Variants in SEMA4B observed in about 807,000 individuals in gnomAD.
SEMA4B encodes semaphorin-4B.
In SEMA4B, 55 loss-of-function variants were observed where a neutral mutation model predicts 88.1. The ratio of observed to expected loss-of-function variants is 0.62; its 90% confidence interval spans 0.50 to 0.78. The LOEUF (loss-of-function observed/expected upper bound fraction) is 0.78, where lower values mean the gene tolerates loss of function less well. Among genes scored for constraint, SEMA4B ranks in the 30% least tolerant of loss-of-function variants. The pLI, the probability that SEMA4B is intolerant of heterozygous loss-of-function variation, is 0.00. For missense variants in SEMA4B, 1,062 were observed against 1,111.9 expected, an observed-to-expected ratio of 0.96 and a Z score of 0.64; for synonymous variants, 525 against 473.6, an observed-to-expected ratio of 1.11 and a Z score of -1.41.
chr15:90,208,052 G>A (rs193270515), intron 1 of SEMA4B, among the ~76,000 whole-genome samples: 2 of 152,180 alleles, frequency 1.3e-5, no homozygotes, highest in Admixed American at 1.3e-4. Flanking sequence ...CAGGAGTTTC[G>A]AGACCAGCCT....
chr15:90,226,630 C>T (rs1246087471), intron 12 of SEMA4B, among the ~76,000 whole-genome samples: 2 of 152,166 alleles, frequency 1.3e-5, no homozygotes, highest in South Asian at 2.1e-4. Flanking sequence ...CATGAGCCAC[C>T]GCGTCTGGCC....
At chr15:90,203,070 C>A (rs1960822537) in intron 1 of SEMA4B, among the ~76,000 whole-genome samples, 1 of 152,192 alleles carries the variant, frequency 6.6e-6, no homozygotes. Context: ...ACAGAACCTA[C>A]CTCAAGGTAG....
In SEMA4B at chr15:90,212,860, T is replaced by A. The variant is rs977479148; in HGVS notation, c.158-4579T>A. Among the ~76,000 whole-genome samples, 8 of 152,214 alleles carry A rather than the reference T, an allele frequency of 5.3e-5. No individual in the cohort carries two copies. Among genetic ancestry groups the A allele is most frequent in the African/African-American group, 1.9e-4 (8 of 41,464 alleles). On this transcript the variant is annotated intron_variant, in intron 1 of 13. Coordinates refer to ENST00000411539, the MANE Select transcript of SEMA4B (RefSeq NM_198925.4). The surrounding 1 kb of genome is among the most constrained non-coding windows in gnomAD (Gnocchi z 4.0). ...TCTGGCTTTGGCCATGAGACCCTCG[T>A]GTGACCAGGTGCGTGCCTAAGTTAG...
Position 90,201,426 on chromosome 15 carries a change from C to G in SEMA4B, c.-153C>G, listed in dbSNP as rs551910278. On this transcript the variant is annotated 5_prime_UTR_variant, in exon 1 of 14. Coordinates refer to ENST00000411539, the MANE Select transcript of SEMA4B (RefSeq NM_198925.4). The stretch of plus-strand genomic sequence containing the variant: ...GAGGGGCTGAGTTTGCCAGGGCCCA[C>G]TTGACCCTGTTTCCCACCTCCCGCC... 2 of 1,295,242 alleles carry G rather than the reference C, an allele frequency of 1.5e-6. No individual in the cohort carries two copies. The highest frequency in any genetic ancestry group is 3.2e-5 in the East Asian group (1 of 30,914). 80.2% of individuals were successfully genotyped at this position (1,295,242 alleles called of 1,614,324 possible). A position where few individuals can be genotyped will look rare whatever the true frequency, so the allele number is the denominator to read the frequency against.
chr15:90,222,871 A>G (rs1417348144), intron 7 of SEMA4B, among the ~76,000 whole-genome samples: 1 of 123,388 alleles, frequency 8.1e-6, no homozygotes, highest in Non-Finnish European at 1.7e-5. Flanking sequence ...CCACCACCCC[A>G]GCACAAGAAG....
intron 1 of SEMA4B, 35 bp from the exon 2 acceptor site, chr15:90,217,404 G>T (rs1311102656): frequency 6.3e-7 from 1 of 1,592,788 alleles, no homozygotes; most frequent in African/African-American, 1.3e-5. Context: ...CATGGGAGGG[G>T]TGGCCCCAGG....
At chr15:90,204,157 G>A (rs1960879129) in intron 1 of SEMA4B, among the ~76,000 whole-genome samples, 1 of 150,608 alleles carries the variant, frequency 6.6e-6, no homozygotes, top group African/African-American at 2.5e-5. Context: ...GGGCAGGCTC[G>A]TGGTGACCAT....
At position 90,201,455 on chromosome 15, in the gene SEMA4B, C is replaced by A. The variant is rs1407985519; in HGVS notation, c.-124C>A. The A allele has an allele frequency of 1.5e-6, 2 of 1,303,638 alleles. No individual in the cohort carries two copies. Among genetic ancestry groups the A allele is most frequent in the African/African-American group, 1.6e-5 (1 of 64,240 alleles). The allele number at this position is 1,303,638 out of a possible 1,614,324, so 80.8% of individuals were successfully genotyped here. On this transcript the variant is annotated 5_prime_UTR_variant, in exon 1 of 14. Coordinates refer to ENST00000411539, the MANE Select transcript of SEMA4B (RefSeq NM_198925.4). ...ACCCTGTTTCCCACCTCCCGCCCCC[C>A]AGGTCCGGAGGCGGGGGCCCCCGGG...
intron 1 of SEMA4B, among the ~76,000 whole-genome samples, chr15:90,210,992 G>C (rs116105626): frequency 0.013 from 1,932 of 152,308 alleles, 39 homozygotes; most frequent in African/African-American, 0.042. Flanking sequence ...TGGTGACATA[G>C]GATTTGGTCT....
At chr15:90,187,407 G>A (rs148637938) in intron 1 of SEMA4B, among the ~76,000 whole-genome samples, 1 of 152,322 alleles carries the variant, frequency 6.6e-6, no homozygotes, top group East Asian at 1.9e-4. Flanking sequence ...GGTACCTGCT[G>A]TTTCCATGTT....
chr15:90,190,398 TC>T (rs1180905821), intron 1 of SEMA4B: 1 of 152,306 alleles, frequency 6.6e-6, no homozygotes, highest in African/African-American at 2.4e-5. Flanking sequence ...GCATACCTGT[TC>T]CTGCCCACTC....
intron 7 of SEMA4B, among the ~76,000 whole-genome samples, chr15:90,223,091 A>G (rs1222342882): frequency 6.6e-6 from 1 of 151,446 alleles, no homozygotes; most frequent in Non-Finnish European, 1.5e-5. Context: ...TCAGCCCCTC[A>G]TGTAGCTGGG....
At chr15:90,187,172 A>G (rs1960189936) in intron 1 of SEMA4B, among the ~76,000 whole-genome samples, 1 of 152,146 alleles carries the variant, frequency 6.6e-6, no homozygotes, top group South Asian at 2.1e-4. Flanking sequence ...TCTCCAAAAT[A>G]CCATCTCTTC....
At chr15:90,227,366 T>C (rs1186667973) in intron 12 of SEMA4B, 191 bp from the exon 13 acceptor site, 2 of 595,234 alleles carry the variant, frequency 3.4e-6, no homozygotes, top group South Asian at 4.0e-5. Context: ...ACATACTGTT[T>C]ATGTAATTAA....
chr15:90,228,606 T>C lies in SEMA4B; in HGVS notation c.2477T>C (p.Val826Ala). ...EVSPVCPRPRVRLGSEIRDSV... is the reference protein window; with the variant it reads ...EVSPVCPRPRARLGSEIRDSV... ...TCCCCAGTGTGCCCCCGGCCCCGGG[T>C]CCGCCTTGGCTCGGAGATCCGTGAC... The change falls in exon 14 of 14, where the codon GTC (valine) becomes GCC (alanine). Residue 826 changes from valine to alanine, a missense_variant. Physicochemically the swap from Val to Ala is moderately conservative, Grantham distance 64. Coordinates refer to ENST00000411539, the MANE Select transcript of SEMA4B (RefSeq NM_198925.4). 6.2e-7 allele frequency: 1 copy of C among 1,613,396 alleles called. No homozygotes were observed. Among genetic ancestry groups the C allele is most frequent in the African/African-American group, 1.3e-5 (1 of 75,018 alleles).
chr15:90,203,538 G>C (rs562552334), intron 1 of SEMA4B, among the ~76,000 whole-genome samples: 15 of 152,302 alleles, frequency 9.8e-5, no homozygotes, highest in African/African-American at 3.1e-4. Flanking sequence ...GGAGAGCAGC[G>C]AGGGGAATCG....
chr15:90,222,954 G>GTATATATATGTATA (rs1555423711), intron 7 of SEMA4B, among the ~76,000 whole-genome samples: 2,957 of 130,552 alleles, frequency 0.023, 136 homozygotes, highest in African/African-American at 0.084. Flanking sequence ...GTAACTCTGT[G>GTATATATATGTATA]TATATATATA....
intron 13 of SEMA4B, 96 bp from the exon 14 acceptor site, chr15:90,227,808 T>G: frequency 6.4e-7 from 1 of 1,563,924 alleles, no homozygotes. Flanking sequence ...GAGTTGCCCA[T>G]CGTGGCACCA....
intron 7 of SEMA4B, among the ~76,000 whole-genome samples, chr15:90,221,978 C>T (rs767418669): frequency 1.5e-4 from 22 of 150,660 alleles, no homozygotes; most frequent in Non-Finnish European, 3.1e-4. Context: ...TTTGCTCTGT[C>T]ACCCAGGCTG....
Sources: allele counts gnomAD v4.1 joint callset (sites outside exome capture counted in the v4.1 genomes callset), GRCh38; gene constraint gnomAD v4.1.1; non-coding constraint Gnocchi (gnomAD v3.1); transcripts MANE v1.5; gene names NCBI Gene and HGNC (gene_info 2026-07-23, HGNC 2026-07-21).